The following SERPINB12 variants were observed in gnomAD, a reference collection of about 807,000 sequenced individuals.
The protein encoded by SERPINB12 is serpin family B member 12.
A neutral mutation model predicts 41.1 loss-of-function variants in SERPINB12; 57 were observed. The observed-to-expected ratio is 1.39, with a 90% CI of 1.12 to 1.73. The LOEUF (loss-of-function observed/expected upper bound fraction) is 1.73. Ranked by LOEUF, SERPINB12 falls within the 40% of genes most tolerant of loss-of-function variation. The pLI, the probability that SERPINB12 is intolerant of heterozygous loss-of-function variation, is 0.00. For missense variants in SERPINB12, 536 were observed against 501.9 expected, an observed-to-expected ratio of 1.07 and a Z score of -0.65; for synonymous variants, 180 against 181.3, an observed-to-expected ratio of 0.99 and a Z score of 0.06.
chr18:63,556,003 A>G (rs1437081908), intron 1 of SERPINB12, among the ~76,000 whole-genome samples, 139 bp from the exon 2 acceptor site: 1 of 152,180 alleles, frequency 6.6e-6, no homozygotes, highest in East Asian at 1.9e-4. Flanking sequence ...AGGGATGATA[A>G]TGACCTTAGT....
At chr18:63,523,038 T>C in the SERPINB12 span, among the ~76,000 whole-genome samples, 1 of 152,138 alleles carries the variant, frequency 6.6e-6, no homozygotes, top group Non-Finnish European at 1.5e-5. Context: ...GTTTAATATG[T>C]CATTTCCATA....
chr18:63,544,055 C>T (rs181640340), intron 1 of SERPINB12, among the ~76,000 whole-genome samples: 14 of 152,188 alleles, frequency 9.2e-5, no homozygotes, highest in African/African-American at 3.4e-4. Flanking sequence ...TCATTTAAAG[C>T]AGGGATCAGC....
At chr18:63,563,922 C>T (rs1599427714) in intron 5 of SERPINB12, 56 bp from the exon 6 acceptor site, 5 of 1,401,164 alleles carry the variant, frequency 3.6e-6, no homozygotes, top group South Asian at 1.4e-5. Context: ...AAATTATCTA[C>T]ACAAATGCTT....
At position 63,567,881 on chromosome 18, in the gene SERPINB12, C is replaced by A. The variant is rs185538034; in HGVS notation, c.*870C>A. 5.9e-5 allele frequency among the ~76,000 whole-genome samples: 9 copies of A among 152,364 alleles called. No individual in the cohort carries two copies. The highest frequency in any genetic ancestry group is 2.2e-4 in the African/African-American group (9 of 41,588). ...TGCTGCTGGCATTGTGGACGGCTGG[C>A]CTCCGTATGCCCCTCTCTCTGCCTT... is the stretch of plus-strand genomic sequence containing the variant. On this transcript the variant is annotated 3_prime_UTR_variant, in exon 8 of 8. Transcript: ENST00000382768.
At chr18:63,563,383 G>A (rs1307839389) in intron 5 of SERPINB12, among the ~76,000 whole-genome samples, 1 of 152,188 alleles carries the variant, frequency 6.6e-6, no homozygotes, top group African/African-American at 2.4e-5. Context: ...CATAGTATAA[G>A]ATGTCTACTG....
chr18:63,527,762 G>T, the SERPINB12 span, among the ~76,000 whole-genome samples: 1,096 of 152,156 alleles, frequency 7.2e-3, 15 homozygotes, highest in African/African-American at 0.025. Flanking sequence ...TTTAAGAAAG[G>T]CAATTCACAA....
At chr18:63,543,934 T>C (rs184858751) in intron 1 of SERPINB12, among the ~76,000 whole-genome samples, 103 of 152,320 alleles carry the variant, frequency 6.8e-4, no homozygotes, top group African/African-American at 2.3e-3. Context: ...ACATTTTAGA[T>C]TTAAGAAAAT....
rs749073062 is a variant in SERPINB12, at chr18:63,567,778, T to A, written c.*767T>A. ...ATCATCAAACACTTCCCTCTGTCTC[T>A]CCTCCCCCTAGCTCCAAGAATTCCC... On this transcript the variant is annotated 3_prime_UTR_variant, in exon 8 of 8. Coordinates refer to ENST00000382768, the MANE Select transcript of SERPINB12 (RefSeq NM_001307928.2). 2.6e-5 allele frequency among the ~76,000 whole-genome samples: 4 copies of A among 152,178 alleles called. No individual in the cohort carries two copies. Among genetic ancestry groups the A allele is most frequent in the Non-Finnish European group, 5.9e-5 (4 of 68,022 alleles).
chr18:63,522,976 T>C, the SERPINB12 span, among the ~76,000 whole-genome samples: 11 of 152,172 alleles, frequency 7.2e-5, no homozygotes. Flanking sequence ...ACATCAGATA[T>C]CATTTGATAA....
At chr18:63,527,223 A>G in the SERPINB12 span, among the ~76,000 whole-genome samples, 2 of 152,218 alleles carry the variant, frequency 1.3e-5, no homozygotes, top group Non-Finnish European at 2.9e-5. Context: ...GCAGGGAAGC[A>G]TTTTATAAAA....
chr18:63,559,026 C>CT (rs1489962557), intron 3 of SERPINB12, among the ~76,000 whole-genome samples: 1 of 68,022 alleles, frequency 1.5e-5, no homozygotes, highest in Non-Finnish European at 3.8e-5. Context: ...TTCTTTCTTT[C>CT]TTTCTTTCTT....
At chr18:63,559,441 C>T in intron 3 of SERPINB12, 137 bp from the exon 4 acceptor site, 5 of 828,538 alleles carry the variant, frequency 6.0e-6, no homozygotes, top group Non-Finnish European at 9.4e-6. Context: ...CTCACTTCCC[C>T]CAGCATGGTA....
intron 1 of SERPINB12, among the ~76,000 whole-genome samples, chr18:63,547,015 G>A (rs1910402475): frequency 2.0e-5 from 3 of 152,146 alleles, no homozygotes; most frequent in Admixed American, 2.0e-4. Flanking sequence ...CCATTTTAAA[G>A]GATAGAAACC....
At chr18:63,548,786 G>C (rs1910450215) in intron 1 of SERPINB12, among the ~76,000 whole-genome samples, 2 of 151,874 alleles carry the variant, frequency 1.3e-5, no homozygotes, top group African/African-American at 4.8e-5. Context: ...TATTTTTTAA[G>C]TTATTAAGAA....
chr18:63,524,986 G>A, the SERPINB12 span, among the ~76,000 whole-genome samples: 2 of 151,932 alleles, frequency 1.3e-5, no homozygotes, highest in African/African-American at 4.8e-5. Flanking sequence ...CTGACCTCAG[G>A]TGATCTACCA....
chr18:63,559,491 C>A, intron 3 of SERPINB12, 87 bp from the exon 4 acceptor site: 1 of 1,372,358 alleles, frequency 7.3e-7, no homozygotes, highest in Non-Finnish European at 1.0e-6. Flanking sequence ...CTCTATCTTG[C>A]TTCTGTACAA....
intron 1 of SERPINB12, among the ~76,000 whole-genome samples, chr18:63,549,718 C>T (rs1024016976): frequency 4.6e-5 from 7 of 152,132 alleles, no homozygotes; most frequent in South Asian, 2.1e-4. Flanking sequence ...AGTTCACGGC[C>T]GTCCTGAGAT....
At chr18:63,548,562 AG>A (rs1910443107) in intron 1 of SERPINB12, among the ~76,000 whole-genome samples, 1 of 152,052 alleles carries the variant, frequency 6.6e-6, no homozygotes, top group Non-Finnish European at 1.5e-5. Flanking sequence ...ATTTTTTTAA[AG>A]AACAAGTTTG....
At position 63,549,379 on chromosome 18, in the gene SERPINB12, T is replaced by C. The variant is rs78917600; in HGVS notation, c.-18-6763T>C. Among the ~76,000 whole-genome samples, 948 of 152,240 alleles carry C rather than the reference T, an allele frequency of 6.2e-3. 11 individuals carry two copies. The highest frequency in any genetic ancestry group is 0.022 in the African/African-American group (910 of 41,556). ...TCGTGAATCCCTTACTTGGAAAATA[T>C]TATAGGCAAAAATATGATAGTATTT... On this transcript the variant is annotated intron_variant, in intron 1 of 7. Coordinates refer to ENST00000382768, the MANE Select transcript of SERPINB12 (RefSeq NM_001307928.2).
Sources: gnomAD v4.1 joint callset for allele counts (sites outside exome capture counted in the v4.1 genomes callset) on GRCh38, gnomAD v4.1.1 for gene constraint, MANE v1.5 for transcripts, NCBI Gene and HGNC (gene_info 2026-07-23, HGNC 2026-07-21) for gene names.